Variants in TSPAN18 observed in about 807,000 individuals in gnomAD.
The protein encoded by TSPAN18 is tetraspanin 18.
A neutral mutation model predicts 27.3 loss-of-function variants in TSPAN18; 14 were observed. The ratio of observed to expected loss-of-function variants is 0.51; its 90% CI spans 0.34 to 0.80. The LOEUF is 0.80. Among genes scored for constraint, TSPAN18 ranks in the 30% least tolerant of loss-of-function variants. The pLI is 0.01. For missense variants in TSPAN18, 268 were observed against 323.9 expected, an observed-to-expected ratio of 0.83 and a Z score of 1.32; for synonymous variants, 143 against 136.5, an observed-to-expected ratio of 1.05 and a Z score of -0.33.
intron 2 of TSPAN18, among the ~76,000 whole-genome samples, chr11:44,816,831 A>T (rs75516195): frequency 0.024 from 3,648 of 152,090 alleles, 148 homozygotes; most frequent in African/African-American, 0.084. Flanking sequence ...GAGCAGGAGG[A>T]GCCTGGCAGC....
intron 1 of TSPAN18, among the ~76,000 whole-genome samples, chr11:44,730,682 G>C (rs1384117052): frequency 6.6e-6 from 1 of 151,214 alleles, no homozygotes; most frequent in Non-Finnish European, 1.5e-5. Context: ...GGAGTGCAGT[G>C]GTGCGATCTT....
intron 1 of TSPAN18, among the ~76,000 whole-genome samples, chr11:44,764,045 AAG>A (rs749863740): frequency 1.3e-5 from 2 of 151,870 alleles, no homozygotes; most frequent in Non-Finnish European, 1.5e-5. Context: ...GGACAGGAGA[AAG>A]AGAGAGAGAG....
chr11:44,896,070 T>C (rs1035496790), intron 3 of TSPAN18, among the ~76,000 whole-genome samples: 51 of 152,150 alleles, frequency 3.4e-4, no homozygotes, highest in African/African-American at 1.1e-3. Flanking sequence ...CGGCACATAG[T>C]AGCAACTCAA....
intron 3 of TSPAN18, among the ~76,000 whole-genome samples, chr11:44,891,165 T>C (rs1858838439): frequency 2.6e-5 from 4 of 152,244 alleles, no homozygotes; most frequent in Admixed American, 1.3e-4. Flanking sequence ...GGCGAGACCC[T>C]GTCCCCCAAG....
intron 1 of TSPAN18, among the ~76,000 whole-genome samples, chr11:44,732,293 G>A (rs376763468): frequency 1.3e-5 from 2 of 152,230 alleles, no homozygotes; most frequent in Admixed American, 6.5e-5. Context: ...GCTGCCGCCC[G>A]CCAGGTGCTT....
chr11:44,926,999 T>C (rs1429790682), intron 9 of TSPAN18, among the ~76,000 whole-genome samples: 1 of 152,146 alleles, frequency 6.6e-6, no homozygotes. Flanking sequence ...GCCCTGAGTG[T>C]CATCCCCACT....
chr11:44,805,342 C>T (rs1362224805), intron 2 of TSPAN18, among the ~76,000 whole-genome samples: 1 of 152,206 alleles, frequency 6.6e-6, no homozygotes, highest in East Asian at 1.9e-4. Flanking sequence ...CCACATTTCA[C>T]AGCTCTTTTT....
intron 2 of TSPAN18, among the ~76,000 whole-genome samples, chr11:44,792,070 T>C (rs1257713628): frequency 6.6e-6 from 1 of 152,210 alleles, no homozygotes; most frequent in Non-Finnish European, 1.5e-5. Context: ...GTATTCAATG[T>C]CAATTTATTT....
At chr11:44,853,085 G>A (rs1024819653) in intron 2 of TSPAN18, among the ~76,000 whole-genome samples, 25 of 152,172 alleles carry the variant, frequency 1.6e-4, no homozygotes, top group African/African-American at 6.0e-4. Flanking sequence ...AACAGCAGGT[G>A]GAGAAGTTAG....
chr11:44,925,414 A>G (rs565193548), intron 8 of TSPAN18, among the ~76,000 whole-genome samples: 2 of 152,166 alleles, frequency 1.3e-5, no homozygotes, highest in East Asian at 3.9e-4. Context: ...TGTTTGCTCC[A>G]TGGGGCTCCA....
chr11:44,861,490 T>C, intron 3 of TSPAN18, among the ~76,000 whole-genome samples: 1 of 115,814 alleles, frequency 8.6e-6, no homozygotes, highest in South Asian at 3.4e-4. Context: ...GGGTCGGTGG[T>C]TGGGGGTGGT....
At chr11:44,755,638 C>G (rs764506903) in intron 1 of TSPAN18, among the ~76,000 whole-genome samples, 3 of 151,926 alleles carry the variant, frequency 2.0e-5, no homozygotes, top group Non-Finnish European at 4.4e-5. Flanking sequence ...TAAAACAAAG[C>G]AAAACAAAGC....
intron 2 of TSPAN18, among the ~76,000 whole-genome samples, chr11:44,834,931 A>G (rs979685041): frequency 1.3e-5 from 2 of 152,228 alleles, no homozygotes; most frequent in Non-Finnish European, 2.9e-5. Flanking sequence ...TAGGCCCTGC[A>G]GAGGGCTGCT....
At chr11:44,800,006 GTTTTTTTTTTT>G (rs60067559) in intron 2 of TSPAN18, among the ~76,000 whole-genome samples, 1 of 109,398 alleles carries the variant, frequency 9.1e-6, no homozygotes, top group African/African-American at 3.6e-5. Context: ...AATTTTTTGT[GTTTTTTTTTTT>G]TTTTTTTTTT....
intron 2 of TSPAN18, among the ~76,000 whole-genome samples, chr11:44,811,626 A>T (rs1856718654): frequency 6.6e-6 from 1 of 151,740 alleles, no homozygotes; most frequent in Admixed American, 6.6e-5. Context: ...CACCTGGCTA[A>T]TTTTTTTGTA....
At position 44,929,165 on chromosome 11, in the gene TSPAN18, G is replaced by A. The variant is rs781267942; in HGVS notation, c.734G>A (p.Arg245Gln). The change falls in exon 10 of 10, where the codon CGG (arginine) becomes CAG (glutamine). Residue 245 changes from arginine (R) to glutamine (Q), a missense_variant. Arg to Gln is a conservative substitution (Grantham distance 43). Coordinates refer to ENST00000520358, the MANE Select transcript of TSPAN18 (RefSeq NM_130783.5). ...ATGATCTTTGCCATGTGCCTCTTCC[G>A]GGGCATCCAGTAGAGGGTATGGCCT... ...FAMIFAMCLF[R>Q]GIQ 1.5e-5 allele frequency: 24 copies of A among 1,613,228 alleles called. No homozygotes were observed. The highest frequency in any genetic ancestry group is 1.3e-4 in the South Asian group (12 of 91,074).
intron 2 of TSPAN18, among the ~76,000 whole-genome samples, chr11:44,825,211 A>G (rs1208724577): frequency 1.3e-5 from 2 of 152,154 alleles, no homozygotes; most frequent in Non-Finnish European, 2.9e-5. Context: ...TCCAAACTGA[A>G]GGACACGTAG....
At chr11:44,821,940 G>A (rs1404844362) in intron 2 of TSPAN18, among the ~76,000 whole-genome samples, 6 of 152,206 alleles carry the variant, frequency 3.9e-5, no homozygotes, top group South Asian at 2.1e-4. Context: ...CTCGACTGTC[G>A]TGGAGGAAGG....
intron 5 of TSPAN18, among the ~76,000 whole-genome samples, chr11:44,915,893 G>C (rs1325886931): frequency 6.6e-6 from 1 of 152,208 alleles, no homozygotes; most frequent in African/African-American, 2.4e-5. Context: ...TGTGAGAGCA[G>C]AAGCCTGTGT....
Sources: allele counts gnomAD v4.1 joint callset (sites outside exome capture counted in the v4.1 genomes callset), GRCh38; gene constraint gnomAD v4.1.1; transcripts MANE v1.5; gene names NCBI Gene and HGNC (gene_info 2026-07-23, HGNC 2026-07-21).